Variants in POT1 observed in about 807,000 individuals in gnomAD.
The protein encoded by POT1 is protection of telomeres protein 1.
A neutral mutation model predicts 78.5 loss-of-function variants in POT1; 47 were observed. The ratio of observed to expected loss-of-function variants is 0.60; its 90% CI spans 0.47 to 0.76. POT1 has a LOEUF of 0.76. POT1 is among the 30% of genes least tolerant of loss of function. The pLI is 0.00. For missense variants in POT1, 646 were observed against 749.9 expected, an observed-to-expected ratio of 0.86 and a Z score of 1.62; for synonymous variants, 259 against 260.7, an observed-to-expected ratio of 0.99 and a Z score of 0.06.
At chr7:124,887,122 T>C (rs964584966) in intron 6 of POT1, among the ~76,000 whole-genome samples, 2 of 151,902 alleles carry the variant, frequency 1.3e-5, no homozygotes, top group African/African-American at 2.4e-5. Context: ...TTGAAGAAAA[T>C]TGATGGGGAG....
At chr7:124,865,050 T>A (rs1214538155) in intron 7 of POT1, among the ~76,000 whole-genome samples, 1 of 152,188 alleles carries the variant, frequency 6.6e-6, no homozygotes, top group Non-Finnish European at 1.5e-5. Context: ...TTTATTTTAC[T>A]CTCATTCCTG....
intron 3 of POT1, among the ~76,000 whole-genome samples, chr7:124,908,104 C>T (rs1796808053): frequency 6.6e-6 from 1 of 151,760 alleles, no homozygotes; most frequent in South Asian, 2.1e-4. Flanking sequence ...ACTGATAATC[C>T]AAAATGAAAA....
rs774934840 is a variant in POT1, at chr7:124,853,069, T to C, written c.772A>G (p.Met258Val). 6.2e-7 allele frequency: 1 copy of C among 1,610,312 alleles called. No individual in the cohort carries two copies. The highest frequency in any genetic ancestry group is 1.1e-5 in the South Asian group (1 of 90,936). The change falls in exon 10 of 19, where the codon ATG (methionine) becomes GTG (valine). Residue 258 changes from methionine to valine, a missense_variant. This residue lies in a region of POT1 where 252 missense variants were observed against 341.4 expected (regional missense o/e 0.74). Coordinates refer to ENST00000357628, the MANE Select transcript of POT1 (RefSeq NM_015450.3). ...TGAAGATGAAACTCTAAACTTAACA[T>C]TGTCTGATTCTCTGAATTCATTGAT... ...LQSMNSENQTMLSLEFHLHGG... is the reference protein window; with the variant it reads ...LQSMNSENQTVLSLEFHLHGG...
At chr7:124,889,473 C>G (rs1428117117) in intron 6 of POT1, among the ~76,000 whole-genome samples, 1 of 152,044 alleles carries the variant, frequency 6.6e-6, no homozygotes, top group Non-Finnish European at 1.5e-5. Context: ...GACCTAAGAT[C>G]ATCAACGAAG....
intron 7 of POT1, among the ~76,000 whole-genome samples, chr7:124,866,108 T>C (rs1795716837): frequency 6.6e-6 from 1 of 152,198 alleles, no homozygotes; most frequent in Non-Finnish European, 1.5e-5. Context: ...CTTAAACTCA[T>C]GAATGCTTGT....
chr7:124,877,701 C>T (rs1796022158), intron 6 of POT1, among the ~76,000 whole-genome samples: 1 of 151,506 alleles, frequency 6.6e-6, no homozygotes, highest in Non-Finnish European at 1.5e-5. Context: ...GGCATGGTGG[C>T]GGGCGCCTGT....
At chr7:124,832,718 G>A (rs560411913) in intron 15 of POT1, among the ~76,000 whole-genome samples, 1 of 151,708 alleles carries the variant, frequency 6.6e-6, no homozygotes, top group Non-Finnish European at 1.5e-5. Context: ...CTCGGCGGGG[G>A]GGTTGAGACA....
At chr7:124,878,388 A>T (rs1041122950) in intron 6 of POT1, among the ~76,000 whole-genome samples, 1 of 152,110 alleles carries the variant, frequency 6.6e-6, no homozygotes, top group Non-Finnish European at 1.5e-5. Flanking sequence ...CTTTCAGTTC[A>T]ACAGGAGGAA....
At chr7:124,913,714 T>C (rs1221909433) in intron 3 of POT1, among the ~76,000 whole-genome samples, 2 of 145,894 alleles carry the variant, frequency 1.4e-5, no homozygotes, top group Non-Finnish European at 1.5e-5. Context: ...CTCATTATTA[T>C]TTGTTGAAAA....
chr7:124,827,270 T>C lies in POT1; in HGVS notation c.1630A>G (p.Met544Val), dbSNP rs762424988. Residue 544 changes from methionine (M) to valine (V), a missense_variant, in exon 17 of 19, where the codon ATG (methionine) becomes GTG (valine). By Grantham distance (21) the Met-to-Val change is conservative. Around this residue, in one of 2 missense-constraint regions of POT1, gnomAD observed 394 missense variants for 408.4 expected, o/e 0.96. Coordinates refer to ENST00000357628, the MANE Select transcript of POT1 (RefSeq NM_015450.3). Reference protein sequence around the residue: ...GIVPLQYVFVMTFTLDDGTGV... With the variant: ...GIVPLQYVFVVTFTLDDGTGV... ...GTTCCATCATCAAGTGTAAAGGTCA[T>C]AACAAACACATATTGGAGGGGTACA... The C allele has an allele frequency of 1.2e-5, 20 of 1,600,336 alleles. No individual in the cohort carries two copies. Among genetic ancestry groups the C allele is most frequent in the Admixed American group, 3.4e-5 (2 of 59,680 alleles).
chr7:124,866,272 T>C (rs937367024), intron 7 of POT1, among the ~76,000 whole-genome samples: 8 of 148,724 alleles, frequency 5.4e-5, no homozygotes, highest in African/African-American at 2.0e-4. Flanking sequence ...GGCCTTACTA[T>C]AAGATGTGGT....
intron 9 of POT1, among the ~76,000 whole-genome samples, chr7:124,854,447 A>C (rs917618532): frequency 1.6e-4 from 25 of 151,980 alleles, no homozygotes; most frequent in Non-Finnish European, 2.7e-4. Flanking sequence ...CGTTTAAAAA[A>C]AAAAGATGAG....
At chr7:124,888,518 T>C (rs1383633739) in intron 6 of POT1, among the ~76,000 whole-genome samples, 2 of 152,060 alleles carry the variant, frequency 1.3e-5, no homozygotes, top group Admixed American at 6.6e-5. Flanking sequence ...TGGATTTTGA[T>C]AGGGAATACA....
intron 2 of POT1, among the ~76,000 whole-genome samples, chr7:124,926,210 A>G (rs2116725965): frequency 6.6e-6 from 1 of 152,260 alleles, no homozygotes; most frequent in African/African-American, 2.4e-5. Context: ...TCAACAGAGG[A>G]CTAATATCCA....
chr7:124,856,651 C>T (rs1223522850), intron 9 of POT1, among the ~76,000 whole-genome samples: 4 of 151,980 alleles, frequency 2.6e-5, no homozygotes, highest in South Asian at 2.1e-4. Flanking sequence ...GCAGGAAAAG[C>T]GGAAACAGAA....
At chr7:124,839,911 C>T (rs1477742979) in intron 14 of POT1, among the ~76,000 whole-genome samples, 1 of 151,876 alleles carries the variant, frequency 6.6e-6, no homozygotes, top group Non-Finnish European at 1.5e-5. Flanking sequence ...CTTTACATTA[C>T]TAACAAACCA....
At chr7:124,891,205 C>G (rs193167072) in intron 6 of POT1, among the ~76,000 whole-genome samples, 1 of 151,822 alleles carries the variant, frequency 6.6e-6, no homozygotes, top group African/African-American at 2.4e-5. Flanking sequence ...CTGATGTTAG[C>G]AGCATACATA....
intron 11 of POT1, among the ~76,000 whole-genome samples, chr7:124,850,467 C>T (rs922566494): frequency 2.0e-5 from 3 of 152,190 alleles, no homozygotes; most frequent in African/African-American, 7.2e-5. Context: ...ATGGCCTGTG[C>T]CTGTAATCCC....
intron 14 of POT1, among the ~76,000 whole-genome samples, chr7:124,836,330 C>T (rs1794899904): frequency 6.6e-6 from 1 of 152,170 alleles, no homozygotes; most frequent in African/African-American, 2.4e-5. Context: ...TGTTCCCATC[C>T]TCCTTCCCCC....
Sources: gnomAD v4.1 joint callset for allele counts (sites outside exome capture counted in the v4.1 genomes callset) on GRCh38, gnomAD v4.1.1 for gene constraint, gnomAD v4.1.1 regional missense constraint, MANE v1.5 for transcripts, NCBI Gene and HGNC (gene_info 2026-07-23, HGNC 2026-07-21) for gene names.